RBFOX1: variants seen among roughly 807,000 people sequenced by gnomAD.
RBFOX1 encodes RNA binding fox-1 homolog 1.
A neutral mutation model predicts 57.7 loss-of-function variants in RBFOX1; 8 were observed. The observed-to-expected ratio is 0.14, with a 90% CI of 0.08 to 0.25. RBFOX1 has a LOEUF of 0.25. Among genes scored for constraint, RBFOX1 ranks in the 10% least tolerant of loss-of-function variants. The pLI is 1.00. For synonymous variants in RBFOX1, 326 were observed against 222.4 expected (o/e 1.47, Z -4.15); for missense variants, 611 against 548.5 (o/e 1.11, Z -1.14).
intron 3 of RBFOX1, among the ~76,000 whole-genome samples, chr16:6,953,936 CA>C (rs1209700246): frequency 6.6e-6 from 1 of 152,136 alleles, no homozygotes; most frequent in East Asian, 1.9e-4. Flanking sequence ...TCTTTCCTGA[CA>C]GAGGAGTAAC....
chr16:7,307,729 T>C (rs901604208), intron 4 of RBFOX1, among the ~76,000 whole-genome samples: 2 of 152,192 alleles, frequency 1.3e-5, no homozygotes, highest in Non-Finnish European at 2.9e-5. Flanking sequence ...CACACAAATT[T>C]GTATACATAC....
At chr16:5,740,126 C>T (rs2052723144) in intron 3 of RBFOX1, among the ~76,000 whole-genome samples, 1 of 152,164 alleles carries the variant, frequency 6.6e-6, no homozygotes, top group Non-Finnish European at 1.5e-5. Flanking sequence ...AGAGCGGCCA[C>T]TGGGAGCTAG....
At chr16:6,507,522 A>AAT (rs1477214689) in intron 2 of RBFOX1, among the ~76,000 whole-genome samples, 1 of 151,312 alleles carries the variant, frequency 6.6e-6, no homozygotes, top group East Asian at 1.9e-4. Context: ...AAAAAAAAAA[A>AAT]AAAGCCTGGC....
At chr16:7,330,500 GTGTGTGTGTT>G (rs767982009) in intron 4 of RBFOX1, among the ~76,000 whole-genome samples, 911 of 86,190 alleles carry the variant, frequency 0.011, 7 homozygotes, top group Middle Eastern at 0.024. Flanking sequence ...GTGTGTGTGT[GTGTGTGTGTT>G]TGTGTGTGTG....
intron 2 of RBFOX1, among the ~76,000 whole-genome samples, chr16:5,486,643 C>G (rs2042637314): frequency 6.6e-6 from 1 of 152,186 alleles, no homozygotes; most frequent in African/African-American, 2.4e-5. Flanking sequence ...ATTAGCTTGA[C>G]TTGTCCATCA....
At chr16:6,247,650 A>G (rs796401979) in intron 1 of RBFOX1, among the ~76,000 whole-genome samples, 1 of 152,192 alleles carries the variant, frequency 6.6e-6, no homozygotes, top group African/African-American at 2.4e-5. Context: ...TATCAGAGAT[A>G]CAAACACTAG....
Position 5,975,524 on chromosome 16 carries a change from C to G in RBFOX1, c.351+108189C>G, listed in dbSNP as rs116449656. The stretch of plus-strand genomic sequence containing the variant: ...TGCTTGGCATTTGAAACTTTAGGGT[C>G]CAGATTTTTCCCCTTTATAAGCTGT... On this transcript the variant is annotated intron_variant, in intron 4 of 19. Transcript: ENST00000641259. 5.4e-3 allele frequency among the ~76,000 whole-genome samples: 824 copies of G among 152,218 alleles called. 9 individuals carry two copies. The highest frequency in any genetic ancestry group is 0.018 in the African/African-American group (748 of 41,532).
In RBFOX1 at chr16:6,312,703, TCCTTCCTTCCTC is replaced by T. The variant is rs1421078421; in HGVS notation, c.-126-4290_-126-4279del. 1.6e-3 allele frequency among the ~76,000 whole-genome samples: 197 copies of T among 124,428 alleles called. 3 individuals are homozygous for T. The highest frequency in any genetic ancestry group is 0.016 in the Admixed American group (190 of 12,026). 81.6% of individuals were successfully genotyped at this position (124,428 alleles called of 152,430 possible). A position where few individuals can be genotyped will look rare whatever the true frequency, so the allele number is the denominator to read the frequency against. Reference sequence around the variant, plus strand: ...TTCCTTCCTTCCTTCCTTCCTTCCTTCCTTCCTTCCTCCATTCCTTCCTTCCTTCCTTACTTC... The same window carrying T: ...TTCCTTCCTTCCTTCCTTCCTTCCTTCATTCCTTCCTTCCTTCCTTACTTC... On this transcript the variant is annotated intron_variant, in intron 1 of 15. Transcript: ENST00000550418.
At chr16:6,671,645 C>G (rs1013101350) in intron 3 of RBFOX1, among the ~76,000 whole-genome samples, 16 of 152,142 alleles carry the variant, frequency 1.1e-4, no homozygotes, top group Admixed American at 1.0e-3. Flanking sequence ...TCCCCAAAGT[C>G]CGTTCTATCA....
At chr16:7,702,799 G>A (rs181750490) in intron 14 of RBFOX1, among the ~76,000 whole-genome samples, 55 of 152,302 alleles carry the variant, frequency 3.6e-4, no homozygotes, top group Admixed American at 1.0e-3. Flanking sequence ...CATTGGTAAT[G>A]ATACCAGCAA....
At chr16:5,860,707 A>C (rs2057191502) in intron 3 of RBFOX1, among the ~76,000 whole-genome samples, 1 of 152,188 alleles carries the variant, frequency 6.6e-6, no homozygotes, top group Non-Finnish European at 1.5e-5. Context: ...TAGTCTATAT[A>C]AGCAGAAGAT....
At chr16:7,677,959 G>A (rs552452066) in intron 14 of RBFOX1, among the ~76,000 whole-genome samples, 6 of 152,250 alleles carry the variant, frequency 3.9e-5, no homozygotes, top group African/African-American at 1.2e-4. Context: ...CATTTCTCAC[G>A]AGACGTGGTG....
chr16:6,392,990 C>T (rs1218615616), intron 2 of RBFOX1, among the ~76,000 whole-genome samples: 1 of 152,194 alleles, frequency 6.6e-6, no homozygotes, highest in Non-Finnish European at 1.5e-5. Flanking sequence ...CTCACTAAAT[C>T]AGACAAGGAA....
At chr16:7,447,221 C>T (rs145171229) in intron 4 of RBFOX1, among the ~76,000 whole-genome samples, 1 of 151,776 alleles carries the variant, frequency 6.6e-6, no homozygotes, top group African/African-American at 2.4e-5. Flanking sequence ...TAATTGAGGT[C>T]AGGAGTTCGA....
intron 3 of RBFOX1, among the ~76,000 whole-genome samples, chr16:7,007,274 G>T (rs2093357068): frequency 6.6e-6 from 1 of 152,124 alleles, no homozygotes; most frequent in Non-Finnish European, 1.5e-5. Flanking sequence ...GTGAAGTGTG[G>T]ACTCTTCCAA....
chr16:5,526,397 T>G (rs1229212378), intron 2 of RBFOX1, among the ~76,000 whole-genome samples: 1 of 152,170 alleles, frequency 6.6e-6, no homozygotes, highest in African/African-American at 2.4e-5. Flanking sequence ...CAAGTGATTC[T>G]CATGCTTCAG....
rs181795793 is a variant in RBFOX1, at chr16:5,594,349, C to G, written c.259-4553C>G. 4.6e-5 allele frequency among the ~76,000 whole-genome samples: 7 copies of G among 152,284 alleles called. No homozygotes were observed. In the East Asian group the frequency reaches 1.4e-3, roughly 29 times the overall value. On this transcript the variant is annotated intron_variant, in intron 2 of 2. Coordinates refer to the RBFOX1 transcript ENST00000585867. The stretch of plus-strand genomic sequence containing the variant: ...GAATATGTCTGTGAGCCCCGAAAAT[C>G]TGAGACACAGGTCTCAGTTAATTTA...
chr16:7,200,022 A>G (rs2087909344), intron 4 of RBFOX1, among the ~76,000 whole-genome samples: 3 of 152,268 alleles, frequency 2.0e-5, no homozygotes, highest in Admixed American at 6.5e-5. Context: ...AGTCACAATC[A>G]TAGAGCCAGA....
chr16:7,300,778 C>G (rs1249596280), intron 4 of RBFOX1, among the ~76,000 whole-genome samples: 1 of 152,110 alleles, frequency 6.6e-6, no homozygotes, highest in African/African-American at 2.4e-5. Context: ...CAAATTAAAA[C>G]TTGGGTAGTT....
Sources: gnomAD v4.1 joint callset for allele counts (sites outside exome capture counted in the v4.1 genomes callset) on GRCh38, gnomAD v4.1.1 for gene constraint, MANE v1.5 for transcripts, NCBI Gene and HGNC (gene_info 2026-07-23, HGNC 2026-07-21) for gene names.